ATP6V0A4: variants seen among roughly 807,000 people sequenced by gnomAD.
ATP6V0A4 encodes ATPase H+ transporting V0 subunit a4.
ATP6V0A4 carries 86 observed loss-of-function variants against 107.3 expected under a neutral mutation model. That is an observed-to-expected ratio of 0.80 (90% CI 0.67 to 0.96). The LOEUF (loss-of-function observed/expected upper bound fraction) is 0.96. ATP6V0A4 is among the 40% of genes least tolerant of loss of function. The pLI, the probability that ATP6V0A4 is intolerant of heterozygous loss-of-function variation, is 0.00. For missense variants in ATP6V0A4, 908 were observed against 1,045.6 expected, an observed-to-expected ratio of 0.87 and a Z score of 1.81; for synonymous variants, 353 against 381.4, an observed-to-expected ratio of 0.93 and a Z score of 0.87.
intron 6 of ATP6V0A4, 44 bp from the exon 7 acceptor site, chr7:138,762,478 GA>G (rs1387970678): frequency 6.2e-7 from 1 of 1,610,636 alleles, no homozygotes; most frequent in Non-Finnish European, 8.5e-7. Flanking sequence ...TATATTTAGG[GA>G]AACTCAAAAG....
intron 11 of ATP6V0A4, 199 bp from the exon 12 acceptor site, chr7:138,749,516 G>T (rs984736103): frequency 5.7e-6 from 1 of 174,956 alleles, no homozygotes; most frequent in Non-Finnish European, 1.1e-5. Context: ...CTCATGGGAG[G>T]GCTGTCAAGA....
At position 138,722,045 on chromosome 7, in the gene ATP6V0A4, T is replaced by G; in HGVS notation, c.2011-20A>C. ...CTGCAGCTGACAACAAGCAGGGAAA[T>G]GAGGAATGCGCTCAACTCACCCTGA... is the stretch of plus-strand genomic sequence containing the variant. On this transcript the variant is annotated intron_variant, in intron 18 of 21. Transcript: ENST00000310018. The G allele has an allele frequency of 1.2e-6, 2 of 1,613,956 alleles. No homozygotes were observed. The highest frequency in any genetic ancestry group is 1.7e-6 in the Non-Finnish European group (2 of 1,179,976).
Position 138,750,890 on chromosome 7 carries a change from T to A in ATP6V0A4, c.1030-1573A>T, listed in dbSNP as rs745867189. Reference sequence around the variant, plus strand: ...TATAGGACTGTAGTCAGGTTACTTCTACTTTCTGTGCCTCCATTTCTTTAT... The same window carrying A: ...TATAGGACTGTAGTCAGGTTACTTCAACTTTCTGTGCCTCCATTTCTTTAT... On this transcript the variant is annotated intron_variant, in intron 11 of 21. Coordinates refer to ENST00000310018, the MANE Select transcript of ATP6V0A4 (RefSeq NM_020632.3). 2.6e-5 allele frequency among the ~76,000 whole-genome samples: 4 copies of A among 152,188 alleles called. No individual in the cohort carries two copies. The East Asian group carries it at 5.8e-4, about 22-fold the overall frequency.
intron 21 of ATP6V0A4, among the ~76,000 whole-genome samples, chr7:138,707,993 C>G (rs1291075500): frequency 6.6e-6 from 1 of 151,292 alleles, no homozygotes; most frequent in Non-Finnish European, 1.5e-5. Flanking sequence ...ATAACTGATA[C>G]CATGTCGGAT....
At chr7:138,765,812 G>A (rs1327255608) in intron 5 of ATP6V0A4, among the ~76,000 whole-genome samples, 1 of 152,128 alleles carries the variant, frequency 6.6e-6, no homozygotes, top group Non-Finnish European at 1.5e-5. Context: ...AGGGTGCAGT[G>A]GTGTGAACAC....
intron 11 of ATP6V0A4, among the ~76,000 whole-genome samples, chr7:138,751,239 G>A (rs893742523): frequency 2.6e-5 from 4 of 152,060 alleles, no homozygotes; most frequent in Admixed American, 6.5e-5. Context: ...CCTCACCCTC[G>A]TTCACTGCAG....
intron 17 of ATP6V0A4, among the ~76,000 whole-genome samples, chr7:138,730,568 A>G (rs914795852): frequency 6.6e-6 from 1 of 152,178 alleles, no homozygotes; most frequent in African/African-American, 2.4e-5. Flanking sequence ...ATGCTTTTGA[A>G]TGGAAAAAAA....
At position 138,773,208 on chromosome 7, in the gene ATP6V0A4, G is replaced by C. The variant is rs1807484928; in HGVS notation, c.-17-1944C>G. ...TGGCCAGCCGAAGGCTGCAGGACCT[G>C]GCCTCCTCTGTGTCCTCCTCCAGCT... On this transcript the variant is annotated intron_variant, in intron 2 of 21. Coordinates refer to ENST00000310018, the MANE Select transcript of ATP6V0A4 (RefSeq NM_020632.3). This position sits in a 1 kb window ranked among gnomAD's most constrained non-coding sequence, Gnocchi z 5.4. Among the ~76,000 whole-genome samples the C allele has an allele frequency of 6.6e-6, 1 of 152,166 alleles. No individual in the cohort carries two copies. Among genetic ancestry groups the C allele is most frequent in the Non-Finnish European group, 1.5e-5 (1 of 68,032 alleles).
chr7:138,711,088 C>G (rs909180303), intron 20 of ATP6V0A4, among the ~76,000 whole-genome samples: 1 of 152,146 alleles, frequency 6.6e-6, no homozygotes, highest in Admixed American at 6.6e-5. Flanking sequence ...CCCCCACCCC[C>G]ACTTCCCTAC....
chr7:138,745,962 A>AAAAAAAATATATATATATATATATATAT (rs1554396065), intron 13 of ATP6V0A4, among the ~76,000 whole-genome samples: 1 of 65,644 alleles, frequency 1.5e-5, no homozygotes, highest in African/African-American at 6.7e-5. Context: ...AAAAAAAAAA[A>AAAAAAAATATATATATATATATATATAT]ATATATATAT....
chr7:138,769,360 A>G, intron 3 of ATP6V0A4, 109 bp from the exon 4 acceptor site: 1 of 1,477,676 alleles, frequency 6.8e-7, no homozygotes, highest in Non-Finnish European at 9.0e-7. Flanking sequence ...TGTCACCCAG[A>G]CTGGAGGGCA....
chr7:138,733,667 C>A (rs888840967), intron 16 of ATP6V0A4, among the ~76,000 whole-genome samples: 20 of 149,648 alleles, frequency 1.3e-4, no homozygotes, highest in Admixed American at 8.1e-4. Flanking sequence ...CCACCTCTGC[C>A]TCCAGGTCCA....
At chr7:138,776,696 A>G (rs1044448522) in intron 2 of ATP6V0A4, among the ~76,000 whole-genome samples, 8 of 152,186 alleles carry the variant, frequency 5.3e-5, no homozygotes, top group African/African-American at 1.7e-4. Flanking sequence ...TGTGGAGAAA[A>G]GAGTACACGT....
At chr7:138,738,021 C>G (rs953419392) in intron 15 of ATP6V0A4, among the ~76,000 whole-genome samples, 2 of 99,936 alleles carry the variant, frequency 2.0e-5, no homozygotes, top group Non-Finnish European at 4.2e-5. Flanking sequence ...CTCAACCTCC[C>G]AAAGTGCTGG....
chr7:138,709,272 C>T (rs1394224301), intron 21 of ATP6V0A4, among the ~76,000 whole-genome samples: 1 of 150,552 alleles, frequency 6.6e-6, no homozygotes, highest in African/African-American at 2.4e-5. Flanking sequence ...TTCTGTGAGC[C>T]TATCTCAGAT....
intron 14 of ATP6V0A4, among the ~76,000 whole-genome samples, chr7:138,743,374 C>T (rs559923667): frequency 1.7e-4 from 25 of 150,240 alleles, no homozygotes; most frequent in African/African-American, 5.6e-4. Flanking sequence ...AGGAGAATCG[C>T]TTGAACCCGG....
intron 19 of ATP6V0A4, among the ~76,000 whole-genome samples, chr7:138,718,616 G>T: frequency 1.0e-5 from 1 of 98,324 alleles, no homozygotes; most frequent in East Asian, 3.4e-4. Context: ...GAATGGGGAG[G>T]AATGGGGAGG....
At position 138,768,780 on chromosome 7, in the gene ATP6V0A4, C is replaced by T; in HGVS notation, c.291G>A (p.Glu97=). The T allele has an allele frequency of 6.2e-7, 1 of 1,614,182 alleles. No individual in the cohort carries two copies. The highest frequency in any genetic ancestry group is 8.5e-7 in the Non-Finnish European group (1 of 1,180,016). The change falls in exon 5 of 22, where the codon GAG becomes GAA. Residue 97 remains glutamate (E), a splice_region_variant and synonymous_variant. Transcript: ENST00000310018. The part of the protein sequence containing the change: ...TPLPREMITL[E]TVLEKLEGEL... ...GAGGCCAGCAAAGTGGAGAACTTACCTCCAGGGTAATCATTTCCCGTGGGA... is the reference window on the plus strand; with the variant it reads ...GAGGCCAGCAAAGTGGAGAACTTACTTCCAGGGTAATCATTTCCCGTGGGA...
At chr7:138,733,572 CTTTTTTTTTTTTTTT>C (rs3080537) in intron 16 of ATP6V0A4, among the ~76,000 whole-genome samples, 1 of 87,076 alleles carries the variant, frequency 1.1e-5, no homozygotes, top group Non-Finnish European at 2.2e-5. Flanking sequence ...AATGGTTTCT[CTTTTTTTTTTTTTTT>C]TTTTTTTTTG....
Sources: gnomAD v4.1 joint callset for allele counts (sites outside exome capture counted in the v4.1 genomes callset) on GRCh38, gnomAD v4.1.1 for gene constraint, Gnocchi (gnomAD v3.1) non-coding constraint, MANE v1.5 for transcripts, NCBI Gene and HGNC (gene_info 2026-07-23, HGNC 2026-07-21) for gene names.